MIPOL1: variants seen among roughly 807,000 people sequenced by gnomAD.
MIPOL1 encodes the protein mirror-image polydactyly 1, also known as mirror-image polydactyly gene 1 protein.
In MIPOL1, 57 loss-of-function variants were observed where a neutral mutation model predicts 60.9. The observed-to-expected ratio is 0.94, with a 90% CI of 0.76 to 1.17. MIPOL1 has a LOEUF of 1.17. Among genes scored for constraint, MIPOL1 ranks in the 50% most tolerant of loss-of-function variants. The probability of loss-of-function intolerance (pLI) is 0.00; values close to 1 mark genes in which losing one functional copy is unlikely to be tolerated. For synonymous variants in MIPOL1, 179 were observed against 168.8 expected, an observed-to-expected ratio of 1.06 and a Z score of -0.47; for missense variants, 551 against 511.6, an observed-to-expected ratio of 1.08 and a Z score of -0.74.
At chr14:37,347,006 T>C (rs2090992571) in intron 9 of MIPOL1, among the ~76,000 whole-genome samples, 1 of 152,136 alleles carries the variant, frequency 6.6e-6, no homozygotes, top group African/African-American at 2.4e-5. Flanking sequence ...CATTAAGATG[T>C]AAACCTGACC....
At chr14:37,489,072 C>T (rs1032280161) in intron 11 of MIPOL1, among the ~76,000 whole-genome samples, 2 of 152,314 alleles carry the variant, frequency 1.3e-5, no homozygotes, top group Middle Eastern at 3.4e-3. Flanking sequence ...CTTTCAAGTA[C>T]ACCAATCACT....
intron 12 of MIPOL1, among the ~76,000 whole-genome samples, chr14:37,537,233 C>T (rs1156650168): frequency 6.6e-6 from 1 of 152,066 alleles, no homozygotes; most frequent in East Asian, 1.9e-4. Context: ...TGAAGATTAA[C>T]AAAGAGAAGA....
chr14:37,242,916 CATA>C (rs1228938537), intron 1 of MIPOL1, among the ~76,000 whole-genome samples: 1 of 152,042 alleles, frequency 6.6e-6, no homozygotes, highest in Non-Finnish European at 1.5e-5. Context: ...GCAAGGCGTG[CATA>C]ATGAGAGAAA....
chr14:37,386,661 T>A (rs1020249026), intron 10 of MIPOL1, among the ~76,000 whole-genome samples: 4 of 152,006 alleles, frequency 2.6e-5, no homozygotes, highest in African/African-American at 9.7e-5. Context: ...AGGTCTTATT[T>A]TATTTGGATA....
rs552341346 is a variant in MIPOL1 at position 37,476,135 on chromosome 14, A to G, written c.1032-23773A>G. The stretch of plus-strand genomic sequence containing the variant: ...CTTGTAAATATTTTATTGGATGTAT[A>G]CCTAAGTATTTCTCTTTTCGGCATT... On this transcript the variant is annotated intron_variant, in intron 11 of 12. Coordinates refer to ENST00000684589, the MANE Select transcript of MIPOL1 (RefSeq NM_001388067.1). 7.9e-5 allele frequency among the ~76,000 whole-genome samples: 12 copies of G among 152,312 alleles called. No individual in the cohort carries two copies. In the South Asian group the frequency reaches 2.1e-3, roughly 26 times the overall value.
intron 1 of MIPOL1, among the ~76,000 whole-genome samples, chr14:37,205,639 C>A (rs1965962490): frequency 6.6e-6 from 1 of 152,086 alleles, no homozygotes; most frequent in Non-Finnish European, 1.5e-5. Context: ...CCCCAACAGG[C>A]CCTGGTGTGT....
intron 9 of MIPOL1, among the ~76,000 whole-genome samples, chr14:37,344,563 GTTTC>G (rs1212845487): frequency 2.0e-5 from 3 of 151,842 alleles, no homozygotes; most frequent in African/African-American, 4.8e-5. Context: ...GTCAAGTTGT[GTTTC>G]TTTCTATGTT....
At chr14:37,323,337 A>C (rs943823581) in intron 9 of MIPOL1, among the ~76,000 whole-genome samples, 1 of 151,768 alleles carries the variant, frequency 6.6e-6, no homozygotes, top group Non-Finnish European at 1.5e-5. Flanking sequence ...TGGTCTATAT[A>C]TATGTTTTGG....
At chr14:37,455,692 G>A (rs1453376068) in intron 11 of MIPOL1, among the ~76,000 whole-genome samples, 7 of 151,930 alleles carry the variant, frequency 4.6e-5, no homozygotes, top group South Asian at 2.1e-4. Context: ...TCCCAAATTC[G>A]ATTATTATCT....
intron 12 of MIPOL1, among the ~76,000 whole-genome samples, chr14:37,542,458 A>G (rs915303996): frequency 6.6e-5 from 10 of 151,984 alleles, no homozygotes; most frequent in Admixed American, 6.6e-4. Flanking sequence ...ATTTCTTGCC[A>G]TCTTTAACCT....
chr14:37,293,016 C>A (rs1321861379), intron 7 of MIPOL1, among the ~76,000 whole-genome samples: 2 of 152,098 alleles, frequency 1.3e-5, no homozygotes, highest in East Asian at 3.9e-4. Context: ...TATACGTATC[C>A]TAATTTCATG....
At chr14:37,362,714 G>T (rs569575756) in intron 9 of MIPOL1, among the ~76,000 whole-genome samples, 3 of 152,132 alleles carry the variant, frequency 2.0e-5, no homozygotes, top group Non-Finnish European at 4.4e-5. Context: ...TTCCAACTTG[G>T]TTTCATTCTC....
intron 1 of MIPOL1, among the ~76,000 whole-genome samples, chr14:37,230,767 GTC>G (rs1970493366): frequency 6.6e-6 from 1 of 152,110 alleles, no homozygotes; most frequent in South Asian, 2.1e-4. Context: ...TGCAAAGTGA[GTC>G]TATTTCTCCA....
chr14:37,483,037 G>A (rs543870558), intron 11 of MIPOL1, among the ~76,000 whole-genome samples: 2 of 151,484 alleles, frequency 1.3e-5, no homozygotes, highest in African/African-American at 4.8e-5. Flanking sequence ...TAAATGCTAT[G>A]CAAATAGTTG....
intron 1 of MIPOL1, among the ~76,000 whole-genome samples, chr14:37,200,664 GTTT>G (rs559596328): frequency 2.7e-5 from 3 of 111,214 alleles, no homozygotes; most frequent in Non-Finnish European, 5.6e-5. Context: ...TTCCCAGTTA[GTTT>G]TTTTTTTTTT....
At chr14:37,316,792 C>T (rs1240969993) in intron 9 of MIPOL1, among the ~76,000 whole-genome samples, 3 of 152,002 alleles carry the variant, frequency 2.0e-5, no homozygotes, top group Non-Finnish European at 4.4e-5. Flanking sequence ...GCCTGGCCAA[C>T]ATGGTGAAAC....
intron 3 of MIPOL1, among the ~76,000 whole-genome samples, chr14:37,260,768 T>G (rs2153377457): frequency 6.6e-6 from 1 of 152,258 alleles, no homozygotes; most frequent in African/African-American, 2.4e-5. Flanking sequence ...TATACGGTAT[T>G]CATGTAAAAA....
intron 11 of MIPOL1, among the ~76,000 whole-genome samples, chr14:37,481,766 G>T (rs2094874910): frequency 6.6e-6 from 1 of 152,030 alleles, no homozygotes; most frequent in Admixed American, 6.6e-5. Flanking sequence ...AGAATAGAGA[G>T]CCCAGAAATG....
At chr14:37,263,511 G>A (rs1377901201) in intron 3 of MIPOL1, among the ~76,000 whole-genome samples, 1 of 152,088 alleles carries the variant, frequency 6.6e-6, no homozygotes, top group African/African-American at 2.4e-5. Flanking sequence ...TGCAAAAGTT[G>A]GGAATTATAT....
Sources: allele counts gnomAD v4.1 joint callset (sites outside exome capture counted in the v4.1 genomes callset), GRCh38; gene constraint gnomAD v4.1.1; transcripts MANE v1.5; gene names NCBI Gene and HGNC (gene_info 2026-07-23, HGNC 2026-07-21).